FRMD7: variants seen among roughly 807,000 people sequenced by gnomAD.
FRMD7 encodes the protein FERM domain-containing protein 7.
In FRMD7, 14 loss-of-function variants were observed where a neutral mutation model predicts 44.1. The ratio of observed to expected loss-of-function variants is 0.32; its 90% confidence interval spans 0.21 to 0.50. FRMD7 has a LOEUF of 0.50. Among genes scored for constraint, FRMD7 ranks in the 20% least tolerant of loss-of-function variants. The pLI is 0.99. For missense variants in FRMD7, 501 were observed against 522.3 expected (o/e 0.96, Z 0.40); for synonymous variants, 212 against 187.4 (o/e 1.13, Z -1.07).
At chrX:132,114,434 T>C (rs768834062) in intron 1 of FRMD7, among the ~76,000 whole-genome samples, 1 of 111,903 alleles carries the variant, frequency 8.9e-6, no homozygotes, top group East Asian at 2.8e-4. Flanking sequence ...AATTTCAATG[T>C]ATAAAATGCA....
At chrX:132,112,389 A>C (rs1476873968) in intron 1 of FRMD7, among the ~76,000 whole-genome samples, 1 of 111,007 alleles carries the variant, frequency 9.0e-6, no homozygotes, top group Non-Finnish European at 1.9e-5. Flanking sequence ...AAGAACAAAG[A>C]ATAAGTAGGA....
At chrX:132,121,967 G>T (rs1929045075) in intron 1 of FRMD7, among the ~76,000 whole-genome samples, 1 of 111,220 alleles carries the variant, frequency 9.0e-6, no homozygotes, top group Non-Finnish European at 1.9e-5. Context: ...AGTAAACAGA[G>T]GCCAAAGCAT....
intron 1 of FRMD7, among the ~76,000 whole-genome samples, chrX:132,107,016 A>T (rs1361075127): frequency 8.9e-6 from 1 of 111,753 alleles, no homozygotes; most frequent in Non-Finnish European, 1.9e-5. Flanking sequence ...GTACACCCAA[A>T]CCTAAAATTA....
intron 1 of FRMD7, among the ~76,000 whole-genome samples, chrX:132,126,768 C>G (rs1385488435): frequency 8.9e-6 from 1 of 111,984 alleles, no homozygotes; most frequent in Non-Finnish European, 1.9e-5. Context: ...GCTACAAAAA[C>G]AAATCATTCA....
intron 1 of FRMD7, among the ~76,000 whole-genome samples, chrX:132,127,014 C>G (rs1346689112): frequency 8.9e-6 from 1 of 112,558 alleles, no homozygotes; most frequent in East Asian, 2.8e-4. Flanking sequence ...AGAAAATAAA[C>G]TATTTGTCTC....
At chrX:132,096,283 T>C (rs1928330396) in intron 4 of FRMD7, among the ~76,000 whole-genome samples, 1 of 109,798 alleles carries the variant, frequency 9.1e-6, no homozygotes, top group Non-Finnish European at 1.9e-5. Context: ...ATGAACTCTT[T>C]TGGGGGGAAG....
intron 1 of FRMD7, among the ~76,000 whole-genome samples, chrX:132,115,526 G>T (rs1045163612): frequency 1.8e-5 from 2 of 112,253 alleles, no homozygotes; most frequent in Non-Finnish European, 3.8e-5. Flanking sequence ...GGAAACCTGA[G>T]AAGGGAGTAG....
chrX:132,104,660 T>C (rs1365922097), intron 1 of FRMD7, among the ~76,000 whole-genome samples: 1 of 111,317 alleles, frequency 9.0e-6, no homozygotes, highest in Non-Finnish European at 1.9e-5. Context: ...GCCACTGCAC[T>C]CCAGCCTGGG....
At chrX:132,125,525 G>A (rs1929134834) in intron 1 of FRMD7, among the ~76,000 whole-genome samples, 1 of 111,603 alleles carries the variant, frequency 9.0e-6, no homozygotes, top group South Asian at 3.8e-4. Context: ...ATGGTTCCAA[G>A]CATTTCTTCA....
chrX:132,104,234 G>A (rs1405594684), intron 1 of FRMD7, among the ~76,000 whole-genome samples: 1 of 111,618 alleles, frequency 9.0e-6, no homozygotes, highest in Non-Finnish European at 1.9e-5. Context: ...CACCAAATTG[G>A]TAACAACAAT....
At chrX:132,093,952 A>G in intron 5 of FRMD7, 90 bp downstream of exon 5, 1 of 594,671 alleles carries the variant, frequency 1.7e-6, no homozygotes, top group South Asian at 2.2e-5. Context: ...ACCCTAACAC[A>G]GTGATGGGCA....
intron 1 of FRMD7, among the ~76,000 whole-genome samples, chrX:132,112,375 A>G (rs1169773976): frequency 9.0e-6 from 1 of 111,290 alleles, no homozygotes; most frequent in Non-Finnish European, 1.9e-5. Flanking sequence ...AGTTAGACAC[A>G]TCAAAGAACA....
At position 132,127,890 on chromosome X, in the gene FRMD7, G is replaced by A; in HGVS notation, c.-46C>T. On this transcript the variant is annotated 5_prime_UTR_variant, in exon 1 of 12. Transcript: ENST00000298542. The stretch of plus-strand genomic sequence containing the variant: ...TGCAAGCAGGCTCAGAGTGCTGTGG[G>A]TGCTTTCTCCAGGAATTTCACTCCC... 1 of 1,084,081 alleles carries A rather than the reference G, an allele frequency of 9.2e-7. No homozygotes were observed. Among genetic ancestry groups the A allele is most frequent in the Non-Finnish European group, 1.3e-6 (1 of 779,405 alleles). The allele number at this position is 1,084,081 out of a possible 1,213,427, so 89.3% of individuals were successfully genotyped here. A position where few individuals can be genotyped will look rare whatever the true frequency, so the allele number is the denominator to read the frequency against.
intron 1 of FRMD7, among the ~76,000 whole-genome samples, chrX:132,117,312 C>T (rs1026647141): frequency 1.8e-5 from 2 of 111,392 alleles, no homozygotes; most frequent in African/African-American, 6.5e-5. Flanking sequence ...AGAAGAACCC[C>T]CTCTTTTGAT....
chrX:132,108,920 C>A (rs956060152), intron 1 of FRMD7, among the ~76,000 whole-genome samples: 3 of 111,504 alleles, frequency 2.7e-5, no homozygotes, highest in African/African-American at 9.8e-5. Flanking sequence ...GAGGCCTTCC[C>A]AGCCATGCGG....
intron 1 of FRMD7, among the ~76,000 whole-genome samples, chrX:132,112,758 C>T (rs1183729456): frequency 9.0e-6 from 1 of 110,996 alleles, no homozygotes; most frequent in Non-Finnish European, 1.9e-5. Context: ...TGATGCCAAC[C>T]AAACCAAGCT....
At chrX:132,097,581 C>T (rs771126235) in intron 3 of FRMD7, among the ~76,000 whole-genome samples, 1 of 111,240 alleles carries the variant, frequency 9.0e-6, no homozygotes, top group African/African-American at 3.3e-5. Flanking sequence ...ACCCCTCTTT[C>T]TACCCTCTCT....
chrX:132,089,640 C>T (rs1928105754), intron 5 of FRMD7, among the ~76,000 whole-genome samples: 1 of 111,825 alleles, frequency 8.9e-6, no homozygotes, highest in Non-Finnish European at 1.9e-5. Context: ...CCTCTTAAAA[C>T]TCAATAATAA....
intron 4 of FRMD7, 124 bp downstream of exon 4, chrX:132,097,142 C>T (rs1057253328): frequency 3.5e-6 from 2 of 574,988 alleles, no homozygotes; most frequent in Non-Finnish European, 6.3e-6. Context: ...AGATCCTCAC[C>T]ATCTCCCAGA....
Sources: allele counts gnomAD v4.1 joint callset (sites outside exome capture counted in the v4.1 genomes callset), GRCh38; gene constraint gnomAD v4.1.1; transcripts MANE v1.5; gene names NCBI Gene and HGNC (gene_info 2026-07-23, HGNC 2026-07-21).